RIPK4: variants seen among roughly 807,000 people sequenced by gnomAD.
RIPK4 encodes receptor interacting serine/threonine kinase 4.
In RIPK4, 17 loss-of-function variants were observed where a neutral mutation model predicts 42.9. That is an observed-to-expected ratio of 0.40 (90% CI 0.27 to 0.59). The LOEUF (loss-of-function observed/expected upper bound fraction) is 0.59, where lower values mean the gene tolerates loss of function less well. Among genes scored for constraint, RIPK4 ranks in the 20% least tolerant of loss-of-function variants. The pLI is 0.47. For synonymous variants in RIPK4, 498 were observed against 499.1 expected, an observed-to-expected ratio of 1.00 and a Z score of 0.03; for missense variants, 897 against 1,104.4, an observed-to-expected ratio of 0.81 and a Z score of 2.66.
chr21:41,744,139 AC>A lies in RIPK4; in HGVS notation c.937del (p.Val313TrpfsTer110). On this transcript the variant is annotated frameshift_variant and splice_region_variant, in exon 7 of 8. Transcript: ENST00000332512. LOFTEE classifies it high-confidence loss of function. Reference sequence around the variant, plus strand: ...GGCCCGCTTGAGCCTCGCAGGCACCACCTGCGAAGATGCAGAAGAGGGGGTG... The same window carrying A: ...GGCCCGCTTGAGCCTCGCAGGCACCACTGCGAAGATGCAGAAGAGGGGGTG... ...VKSPPEPRSE[V>X]VPARLKRASA... 6.3e-7 allele frequency: 1 copy of A among 1,582,024 alleles called. No homozygotes were observed. The highest frequency in any genetic ancestry group is 8.6e-7 in the Non-Finnish European group (1 of 1,161,906).
intron 2 of RIPK4, among the ~76,000 whole-genome samples, chr21:41,752,889 T>C (rs1029717060): frequency 6.6e-6 from 1 of 152,184 alleles, no homozygotes; most frequent in Non-Finnish European, 1.5e-5. Flanking sequence ...TCTTAAAACC[T>C]AGGTGATAAC....
chr21:41,742,447 G>C lies in RIPK4; in HGVS notation c.1196-450C>G, dbSNP rs1052598086. ...GCAGAGATGGTGACTAGAGCTGGAA[G>C]GGGCTGCTCCAGCTCTTGCCCCACC... On this transcript the variant is annotated intron_variant, in intron 7 of 7. Coordinates refer to ENST00000332512, the MANE Select transcript of RIPK4 (RefSeq NM_020639.3). The surrounding 1 kb of genome is among the most constrained non-coding windows in gnomAD (Gnocchi z 5.1). 1.3e-5 allele frequency among the ~76,000 whole-genome samples: 2 copies of C among 152,226 alleles called. No individual in the cohort carries two copies. The highest frequency in any genetic ancestry group is 3.9e-4 in the East Asian group (2 of 5,186).
At chr21:41,749,130 C>T in intron 4 of RIPK4, 24 bp downstream of exon 4, 4 of 1,612,758 alleles carry the variant, frequency 2.5e-6, no homozygotes, top group Middle Eastern at 3.3e-4. Flanking sequence ...AAGCACATTA[C>T]ACCTCAAAGA....
rs180685224 is a variant in RIPK4, at chr21:41,747,152, C to T, written c.674-381G>A. On this transcript the variant is annotated intron_variant, in intron 4 of 7. Coordinates refer to ENST00000332512, the MANE Select transcript of RIPK4 (RefSeq NM_020639.3). ...AAGCCAGCAAAGGGAATGAGGCTCA[C>T]GCACCATGGAGGAGCCACAGCGTCC... is the stretch of plus-strand genomic sequence containing the variant. 7.2e-5 allele frequency among the ~76,000 whole-genome samples: 11 copies of T among 152,358 alleles called. No individual in the cohort carries two copies. The East Asian group carries it at 1.2e-3, about 16-fold the overall frequency.
chr21:41,753,307 G>A lies in RIPK4; in HGVS notation c.475-2062C>T, dbSNP rs544624001. Among the ~76,000 whole-genome samples, 3 of 152,344 alleles carry A rather than the reference G, an allele frequency of 2.0e-5. No individual in the cohort carries two copies. In the South Asian group the frequency reaches 6.2e-4, roughly 32 times the overall value. ...AAAAGAAAAGAAAAACGACAGGGGT[G>A]CAGAGATCTCAGCCTGGTGCTTCCC... is the stretch of plus-strand genomic sequence containing the variant. On this transcript the variant is annotated intron_variant, in intron 2 of 7. Coordinates refer to ENST00000332512, the MANE Select transcript of RIPK4 (RefSeq NM_020639.3).
intron 1 of RIPK4, among the ~76,000 whole-genome samples, chr21:41,758,043 G>T (rs4919916): frequency 0.43 from 22,148 of 51,100 alleles, 4,164 homozygotes; most frequent in Admixed American, 0.47. Context: ...TATATATATA[G>T]AGAGAGAGAG....
At chr21:41,752,463 G>A (rs1244746446) in intron 2 of RIPK4, among the ~76,000 whole-genome samples, 1 of 151,962 alleles carries the variant, frequency 6.6e-6, no homozygotes, top group African/African-American at 2.4e-5. Flanking sequence ...GCAGGGACCG[G>A]CCCTCCTTCT....
In RIPK4 at chr21:41,756,516, G is replaced by C. The variant is rs1464988832; in HGVS notation, c.474+9C>G. ...GCCCAGCTCTCTCGGGCACCGTGCGGCCCCCCACCTTGACGTGGTAGTGGG... is the reference window on the plus strand; with the variant it reads ...GCCCAGCTCTCTCGGGCACCGTGCGCCCCCCCACCTTGACGTGGTAGTGGG... On this transcript the variant is annotated intron_variant, in intron 2 of 7. Coordinates refer to ENST00000332512, the MANE Select transcript of RIPK4 (RefSeq NM_020639.3). 8.7e-6 allele frequency: 14 copies of C among 1,609,576 alleles called. No homozygotes were observed. Among genetic ancestry groups the C allele is most frequent in the South Asian group, 2.2e-5 (2 of 90,944 alleles).
At chr21:41,757,998 CAA>C (rs530283443) in intron 1 of RIPK4, among the ~76,000 whole-genome samples, 18 of 13,076 alleles carry the variant, frequency 1.4e-3, no homozygotes, top group African/African-American at 7.9e-3. Context: ...GACTCCATAA[CAA>C]AAAAAAAAAA....
intron 1 of RIPK4, among the ~76,000 whole-genome samples, chr21:41,764,945 T>C (rs1466852496): frequency 2.6e-5 from 4 of 152,204 alleles, no homozygotes; most frequent in Non-Finnish European, 5.9e-5. Flanking sequence ...CCTGTCTGCT[T>C]TGGGCAGGGT....
Position 41,756,764 on chromosome 21 carries a change from G to T in RIPK4, c.235C>A (p.Arg79Ser). The T allele has an allele frequency of 6.2e-7, 1 of 1,614,080 alleles. No individual in the cohort carries two copies. The highest frequency in any genetic ancestry group is 8.5e-7 in the Non-Finnish European group (1 of 1,179,944). Residue 79 changes from arginine (R) to serine (S), a missense_variant, in exon 2 of 8, where the codon CGC becomes AGC. Transcript: ENST00000332512. ...ATGCCATACACAGGCAGGATGTAGC[G>T]AAACTTGGCCATCTCCATCTTCTTG... ...EAKKMEMAKF[R>S]YILPVYGICR...
Position 41,741,347 on chromosome 21 carries a change from GC to G in RIPK4, c.1845del (p.His616ThrfsTer51). 1 of 1,610,818 alleles carries G rather than the reference GC, an allele frequency of 6.2e-7. No individual in the cohort carries two copies. Among genetic ancestry groups the G allele is most frequent in the Non-Finnish European group, 8.5e-7 (1 of 1,179,774 alleles). ...RTPLHLAAQRGHYRVARILID... is the reference protein window; with the variant it reads ...RTPLHLAAQRXHYRVARILID... ...ATGAGGATGCGGGCCACGCGGTAGT[GC>G]CCGCGCTGTGCGGCCAGGTGCAATG... On this transcript the variant is annotated frameshift_variant, in exon 8 of 8. Coordinates refer to ENST00000332512, the MANE Select transcript of RIPK4 (RefSeq NM_020639.3). LOFTEE classifies it low-confidence loss of function (END_TRUNC).
At chr21:41,762,800 C>T (rs925891305) in intron 1 of RIPK4, among the ~76,000 whole-genome samples, 5 of 150,588 alleles carry the variant, frequency 3.3e-5, no homozygotes, top group African/African-American at 4.9e-5. Flanking sequence ...CATTTTAACA[C>T]GTGGAGAGAT....
At chr21:41,766,479 G>A (rs1359758335) in intron 1 of RIPK4, among the ~76,000 whole-genome samples, 2 of 152,098 alleles carry the variant, frequency 1.3e-5, no homozygotes, top group African/African-American at 4.8e-5. Context: ...CCAAGGGCGC[G>A]GGTCCGAGGC....
intron 4 of RIPK4, among the ~76,000 whole-genome samples, chr21:41,747,449 C>G (rs1475474622): frequency 1.3e-5 from 2 of 152,188 alleles, no homozygotes; most frequent in Non-Finnish European, 2.9e-5. Flanking sequence ...TCCAGTGGGC[C>G]AAGTTCTTTT....
rs373629912 is a variant in RIPK4 at position 41,740,861 on chromosome 21, G to A, written c.2332C>T (p.Leu778Phe). Residue 778 changes from leucine (L) to phenylalanine (F), a missense_variant, in exon 8 of 8, where the codon CTC becomes TTC. Leu to Phe is a conservative substitution (Grantham distance 22). Transcript: ENST00000332512. ...FQGGHGPAAT[L>F]LRRSKT ...AGCTAGGTCTTGCTTCGCCGCAGGA[G>A]CGTGGCGGCGGGGCCATGGCCGCCC... 44 of 1,609,484 alleles carry A rather than the reference G, an allele frequency of 2.7e-5. No individual in the cohort carries two copies. The African/African-American group carries it at 4.8e-4, about 18-fold the overall frequency.
chr21:41,752,763 G>C (rs1164666972), intron 2 of RIPK4, among the ~76,000 whole-genome samples: 1 of 152,154 alleles, frequency 6.6e-6, no homozygotes, highest in Non-Finnish European at 1.5e-5. Flanking sequence ...TTCAGAAATG[G>C]GCTGAACAAT....
chr21:41,743,196 C>A (rs2061159926), intron 7 of RIPK4, among the ~76,000 whole-genome samples: 1 of 152,100 alleles, frequency 6.6e-6, no homozygotes, highest in African/African-American at 2.4e-5. Flanking sequence ...AGAGCTGCAG[C>A]CCCTTCAGGA....
At chr21:41,764,910 G>A (rs2061231649) in intron 1 of RIPK4, among the ~76,000 whole-genome samples, 1 of 152,218 alleles carries the variant, frequency 6.6e-6, no homozygotes, top group South Asian at 2.1e-4. Context: ...TGCTGACCTC[G>A]ACCTAGCCAC....
Sources: gnomAD v4.1 joint callset for allele counts (sites outside exome capture counted in the v4.1 genomes callset) on GRCh38, gnomAD v4.1.1 for gene constraint, Gnocchi (gnomAD v3.1) non-coding constraint, MANE v1.5 for transcripts, NCBI Gene and HGNC (gene_info 2026-07-23, HGNC 2026-07-21) for gene names.